ARPP21: variants seen among roughly 807,000 people sequenced by gnomAD.
ARPP21 encodes cAMP-regulated phosphoprotein 21.
A neutral mutation model predicts 113.2 loss-of-function variants in ARPP21; 69 were observed. The ratio of observed to expected loss-of-function variants is 0.61; its 90% CI spans 0.50 to 0.74. ARPP21 has a LOEUF of 0.74. ARPP21 is among the 30% of genes least tolerant of loss of function. The probability of loss-of-function intolerance (pLI) is 0.00; values close to 1 mark genes in which losing one functional copy is unlikely to be tolerated. For missense variants in ARPP21, 1,070 were observed against 1,037.4 expected (o/e 1.03, Z -0.43); for synonymous variants, 368 against 375.5 (o/e 0.98, Z 0.23).
intron 19 of ARPP21, among the ~76,000 whole-genome samples, chr3:35,754,122 G>T (rs1247766769): frequency 6.6e-6 from 1 of 151,758 alleles, no homozygotes; most frequent in Non-Finnish European, 1.5e-5. Flanking sequence ...CCAATAAGAT[G>T]CATTAATTTA....
intron 19 of ARPP21, among the ~76,000 whole-genome samples, chr3:35,747,963 G>GAA (rs1553719895): frequency 1.8e-4 from 27 of 145,964 alleles, no homozygotes; most frequent in African/African-American, 2.5e-4. Context: ...AAGAAAGAAA[G>GAA]AGAGAGAGAG....
At position 35,768,864 on chromosome 3, in the gene ARPP21, T is replaced by C. The variant is rs192966476; in HGVS notation, c.2138-23518T>C. ...ACACTAGAATAACATTTTTAAATCC[T>C]AAATTCACTTTACAGGCATAGTTTA... On this transcript the variant is annotated intron_variant, in intron 19 of 20. Transcript: ENST00000684406. Among the ~76,000 whole-genome samples the C allele has an allele frequency of 3.2e-3, 481 of 152,322 alleles. 3 individuals carry two copies. The highest frequency in any genetic ancestry group is 0.011 in the African/African-American group (459 of 41,574).
chr3:35,784,492 G>T (rs1267035692), intron 19 of ARPP21, among the ~76,000 whole-genome samples: 4 of 152,158 alleles, frequency 2.6e-5, no homozygotes, highest in Non-Finnish European at 5.9e-5. Flanking sequence ...GTTAATTCAT[G>T]CTATGTCCAT....
intron 19 of ARPP21, among the ~76,000 whole-genome samples, chr3:35,775,699 T>C (rs2096341900): frequency 6.6e-6 from 1 of 152,148 alleles, no homozygotes; most frequent in Non-Finnish European, 1.5e-5. Flanking sequence ...TTTTACAATA[T>C]ATATTAAATA....
intron 1 of ARPP21, among the ~76,000 whole-genome samples, chr3:35,650,822 G>A (rs921536481): frequency 2.6e-5 from 4 of 152,058 alleles, no homozygotes; most frequent in African/African-American, 9.7e-5. Flanking sequence ...TTAGTTACTA[G>A]GGCTGCAAGT....
upstream of ARPP21, among the ~76,000 whole-genome samples, chr3:35,639,222 G>T (rs980127358): frequency 3.9e-5 from 6 of 152,140 alleles, no homozygotes; most frequent in African/African-American, 2.4e-5. The surrounding 1 kb of genome is among the most constrained non-coding windows in gnomAD (Gnocchi z 5.0). Flanking sequence ...CCCAGGGAAT[G>T]AGTGGTACCG....
intron 18 of ARPP21, among the ~76,000 whole-genome samples, chr3:35,743,456 C>A (rs1278532651): frequency 6.6e-6 from 1 of 152,128 alleles, no homozygotes; most frequent in Non-Finnish European, 1.5e-5. Flanking sequence ...GGTAACCAGT[C>A]AATTGGGGGT....
intron 15 of ARPP21, among the ~76,000 whole-genome samples, chr3:35,731,563 G>A (rs1473750644): frequency 3.3e-5 from 5 of 151,996 alleles, no homozygotes; most frequent in Non-Finnish European, 7.4e-5. Flanking sequence ...TATTTATTTT[G>A]TAAATTGAAA....
chr3:35,647,751 TCA>T (rs1700795539), intron 1 of ARPP21, among the ~76,000 whole-genome samples: 1 of 152,154 alleles, frequency 6.6e-6, no homozygotes, highest in Non-Finnish European at 1.5e-5. Context: ...TCTCTGTGCT[TCA>T]CAGTTTCTAC....
chr3:35,749,872 A>G (rs944843666), intron 19 of ARPP21, among the ~76,000 whole-genome samples: 1 of 152,002 alleles, frequency 6.6e-6, no homozygotes, highest in Admixed American at 6.6e-5. Flanking sequence ...TTTCTTTACT[A>G]TCTTTTTGTA....
chr3:35,752,588 A>G (rs1349576027), intron 19 of ARPP21, among the ~76,000 whole-genome samples: 1 of 152,098 alleles, frequency 6.6e-6, no homozygotes, highest in African/African-American at 2.4e-5. Context: ...TGAGAAGGTT[A>G]CTATAACCAG....
At chr3:35,727,652 A>G (rs1474188485) in intron 14 of ARPP21, among the ~76,000 whole-genome samples, 2 of 150,426 alleles carry the variant, frequency 1.3e-5, no homozygotes, top group Non-Finnish European at 2.9e-5. Flanking sequence ...CATAATCAAT[A>G]GTGTAGGCTG....
chr3:35,789,585 C>A (rs967893341), intron 19 of ARPP21, among the ~76,000 whole-genome samples: 20 of 152,238 alleles, frequency 1.3e-4, no homozygotes, highest in Admixed American at 9.8e-4. Flanking sequence ...CCATGGGAAC[C>A]CCAGTGTAAA....
chr3:35,654,431 G>C (rs1703867409), intron 1 of ARPP21, among the ~76,000 whole-genome samples: 1 of 152,042 alleles, frequency 6.6e-6, no homozygotes, highest in South Asian at 2.1e-4. Flanking sequence ...CCCCATGGGG[G>C]AGAAGTAACA....
intron 1 of ARPP21, among the ~76,000 whole-genome samples, chr3:35,665,543 A>G (rs1040232361): frequency 6.6e-6 from 1 of 152,210 alleles, no homozygotes; most frequent in African/African-American, 2.4e-5. Context: ...GTCTTTTCAA[A>G]TGACTTTAAC....
At chr3:35,675,552 G>A (rs997235308) in intron 1 of ARPP21, among the ~76,000 whole-genome samples, 1 of 151,826 alleles carries the variant, frequency 6.6e-6, no homozygotes, top group Admixed American at 6.6e-5. Context: ...CCTGATGTTT[G>A]TATTGTTCCA....
rs888555054 is a variant in ARPP21, at chr3:35,706,296, TA to T, written c.687-670del. Among the ~76,000 whole-genome samples, 7 of 152,154 alleles carry T rather than the reference TA, an allele frequency of 4.6e-5. No homozygotes were observed. In the East Asian group the frequency reaches 5.8e-4, roughly 13 times the overall value. On this transcript the variant is annotated intron_variant, in intron 9 of 20. Coordinates refer to ENST00000684406, the MANE Select transcript of ARPP21 (RefSeq NM_001385562.1). ...ATAATACCAAATGATTAAAAAGACC[TA>T]AAAAAAATCAATTGACTAATCAATA...
At chr3:35,711,219 G>A (rs567443032) in intron 11 of ARPP21, among the ~76,000 whole-genome samples, 41 of 152,242 alleles carry the variant, frequency 2.7e-4, no homozygotes, top group Admixed American at 9.2e-4. Flanking sequence ...CTAGGGCAGC[G>A]TTTTAAATTG....
chr3:35,667,984 GAAGAAGAAGAAGAA>G (rs2075163246), intron 1 of ARPP21, among the ~76,000 whole-genome samples: 1 of 145,876 alleles, frequency 6.9e-6, no homozygotes. Context: ...AGAAGAAGAA[GAAGAAGAAGAAGAA>G]GAAGAAGAAG....
Sources: allele counts gnomAD v4.1 joint callset (sites outside exome capture counted in the v4.1 genomes callset), GRCh38; gene constraint gnomAD v4.1.1; non-coding constraint Gnocchi (gnomAD v3.1); transcripts MANE v1.5; gene names NCBI Gene and HGNC (gene_info 2026-07-23, HGNC 2026-07-21).